The following SGCG variants were observed in gnomAD, a reference collection of about 807,000 sequenced individuals.
The protein encoded by SGCG is gamma-sarcoglycan.
SGCG carries 26 observed loss-of-function variants against 29.3 expected under a neutral mutation model. The ratio of observed to expected loss-of-function variants is 0.89; its 90% CI spans 0.65 to 1.23. The LOEUF is 1.23. Among genes scored for constraint, SGCG ranks in the 50% most tolerant of loss-of-function variants. The pLI, the probability that SGCG is intolerant of heterozygous loss-of-function variation, is 0.00. For missense variants in SGCG, 353 were observed against 356.0 expected, an observed-to-expected ratio of 0.99 and a Z score of 0.07; for synonymous variants, 145 against 129.7, an observed-to-expected ratio of 1.12 and a Z score of -0.80.
chr13:23,323,178 A>T (rs1303549160), intron 7 of SGCG, among the ~76,000 whole-genome samples: 1 of 152,230 alleles, frequency 6.6e-6, no homozygotes, highest in Non-Finnish European at 1.5e-5. Flanking sequence ...TGCAGGTCAT[A>T]ACCTATGAAG....
At chr13:23,167,569 G>T in the SGCG span, among the ~76,000 whole-genome samples, 136 of 152,186 alleles carry the variant, frequency 8.9e-4, no homozygotes, top group Middle Eastern at 3.4e-3. Flanking sequence ...ATTTGTTATT[G>T]CCTGTCTTTT....
chr13:23,231,576 G>A (rs1037663476), intron 2 of SGCG, among the ~76,000 whole-genome samples: 1 of 152,082 alleles, frequency 6.6e-6, no homozygotes. Context: ...AACAGAATTT[G>A]TAGTCTTGAA....
chr13:23,309,526 T>C (rs1234657709), intron 6 of SGCG, among the ~76,000 whole-genome samples: 2 of 152,248 alleles, frequency 1.3e-5, no homozygotes, highest in Non-Finnish European at 1.5e-5. Flanking sequence ...CCTGTATTGT[T>C]ACTTTGGCTG....
chr13:23,176,182 A>G (rs1336644739), upstream of SGCG, among the ~76,000 whole-genome samples: 3 of 152,190 alleles, frequency 2.0e-5, no homozygotes, highest in Non-Finnish European at 2.9e-5. Context: ...TCAGCCATAT[A>G]CTATGATAGC....
chr13:23,232,739 G>A (rs1879158857), intron 2 of SGCG, among the ~76,000 whole-genome samples: 1 of 152,018 alleles, frequency 6.6e-6, no homozygotes, highest in African/African-American at 2.4e-5. Context: ...CTGAGATCAC[G>A]TCACTGCACT....
the SGCG span, among the ~76,000 whole-genome samples, chr13:23,168,987 T>G: frequency 6.6e-6 from 1 of 151,976 alleles, no homozygotes; most frequent in South Asian, 2.1e-4. Flanking sequence ...TTCTTAGATT[T>G]GTTGAGATAC....
At chr13:23,293,154 T>G (rs1044540217) in intron 5 of SGCG, among the ~76,000 whole-genome samples, 2 of 152,226 alleles carry the variant, frequency 1.3e-5, no homozygotes, top group Non-Finnish European at 2.9e-5. Context: ...TCGTTTAGGT[T>G]TGCTTAAGTG....
chr13:23,168,225 C>T, the SGCG span, among the ~76,000 whole-genome samples: 1 of 152,106 alleles, frequency 6.6e-6, no homozygotes, highest in East Asian at 1.9e-4. Context: ...ACTTGATGTG[C>T]CAGAAAAACC....
intron 2 of SGCG, among the ~76,000 whole-genome samples, chr13:23,233,415 C>T (rs754187070): frequency 6.6e-6 from 1 of 152,082 alleles, no homozygotes; most frequent in African/African-American, 2.4e-5. Flanking sequence ...TAGCCATATA[C>T]ATATATTTCA....
At chr13:23,209,045 A>C (rs757019477) in intron 2 of SGCG, among the ~76,000 whole-genome samples, 46 of 152,238 alleles carry the variant, frequency 3.0e-4, no homozygotes, top group Admixed American at 2.1e-3. Flanking sequence ...TGAAGGTAAG[A>C]TGAATGATTC....
intron 2 of SGCG, among the ~76,000 whole-genome samples, chr13:23,211,232 A>C (rs1276819795): frequency 6.6e-6 from 1 of 152,126 alleles, no homozygotes; most frequent in Non-Finnish European, 1.5e-5. Flanking sequence ...CCCACAGCAG[A>C]CCAGAAATCC....
rs1250982342 is a variant in SGCG, at chr13:23,183,955, CAT to C, written c.-1+2881_-1+2882del. On this transcript the variant is annotated intron_variant, in intron 1 of 7. Coordinates refer to ENST00000218867, the MANE Select transcript of SGCG (RefSeq NM_000231.3). ...TGCTGGGATTACAGGCATGAGCCACCATGCCCAGCCTACATAAAATACTCTAA... is the reference window on the plus strand; with the variant it reads ...TGCTGGGATTACAGGCATGAGCCACCGCCCAGCCTACATAAAATACTCTAA... Among the ~76,000 whole-genome samples, 27 of 152,238 alleles carry C rather than the reference CAT, an allele frequency of 1.8e-4. 2 individuals carry two copies. Among genetic ancestry groups the C allele is most frequent in the Admixed American group, 1.6e-3 (25 of 15,288 alleles).
Position 23,281,660 on chromosome 13 carries a change from G to A in SGCG, c.505+2182G>A, listed in dbSNP as rs919755790. On this transcript the variant is annotated intron_variant, in intron 5 of 7. Transcript: ENST00000218867. ...TTCACAGTGTGGGAGATGGTTTTGG[G>A]ATGAAACTACTCCACCTCAGATCAT... Among the ~76,000 whole-genome samples the A allele has an allele frequency of 5.6e-4, 85 of 152,150 alleles. 1 individual carries two copies. Among genetic ancestry groups the A allele is most frequent in the Admixed American group, 3.3e-4 (5 of 15,284 alleles).
At chr13:23,258,268 T>C (rs1466553363) in intron 4 of SGCG, among the ~76,000 whole-genome samples, 1 of 152,190 alleles carries the variant, frequency 6.6e-6, no homozygotes, top group African/African-American at 2.4e-5. Context: ...TTCACATCCC[T>C]TGTAAGTTGT....
chr13:23,199,183 A>G (rs1877642939), intron 1 of SGCG, among the ~76,000 whole-genome samples: 1 of 152,224 alleles, frequency 6.6e-6, no homozygotes, highest in Non-Finnish European at 1.5e-5. Context: ...GTAATTTTTA[A>G]TGACAAAATT....
intron 1 of SGCG, among the ~76,000 whole-genome samples, chr13:23,183,343 T>C (rs563284957): frequency 1.3e-5 from 2 of 152,254 alleles, no homozygotes; most frequent in South Asian, 4.2e-4. Flanking sequence ...CGGTAACTGG[T>C]CAGGAACTTG....
chr13:23,269,523 A>G (rs997012070), intron 4 of SGCG, among the ~76,000 whole-genome samples: 2 of 152,072 alleles, frequency 1.3e-5, no homozygotes, highest in Non-Finnish European at 1.5e-5. Flanking sequence ...TTTCCATTTT[A>G]GGTTTATCCA....
At chr13:23,210,547 C>T (rs993813255) in intron 2 of SGCG, among the ~76,000 whole-genome samples, 10 of 151,912 alleles carry the variant, frequency 6.6e-5, no homozygotes, top group Admixed American at 2.0e-4. Flanking sequence ...AAACATTAGC[C>T]GGGCGTGGTG....
In SGCG at chr13:23,205,615, G is replaced by A. The variant is rs185844227; in HGVS notation, c.195+1726G>A. 2.4e-4 allele frequency among the ~76,000 whole-genome samples: 36 copies of A among 152,222 alleles called. 1 individual carries two copies. Among genetic ancestry groups the A allele is most frequent in the Middle Eastern group, 3.4e-3 (1 of 294 alleles). On this transcript the variant is annotated intron_variant, in intron 2 of 7. Transcript: ENST00000218867. ...TATGTCTACTTTATACTCTTGTCAT[G>A]TAGCATGTAAAACAACTTTGAGGTA...
Sources: allele counts gnomAD v4.1 joint callset (sites outside exome capture counted in the v4.1 genomes callset), GRCh38; gene constraint gnomAD v4.1.1; transcripts MANE v1.5; gene names NCBI Gene and HGNC (gene_info 2026-07-23, HGNC 2026-07-21).